Variants in ST6GALNAC3 observed in about 807,000 individuals in gnomAD.
ST6GALNAC3 encodes the protein ST6 N-acetylgalactosaminide alpha-2,6-sialyltransferase 3, also known as alpha-N-acetylgalactosaminide alpha-2,6-sialyltransferase 3.
Under a neutral mutation model 32.7 loss-of-function variants are expected in ST6GALNAC3, and 25 were observed. The observed-to-expected ratio is 0.76, with a 90% CI of 0.56 to 1.07. ST6GALNAC3 has a LOEUF of 1.07. ST6GALNAC3 is among the 50% of genes least tolerant of loss of function. ST6GALNAC3 has a pLI of 0.00. For synonymous variants in ST6GALNAC3, 129 were observed against 133.1 expected (o/e 0.97, Z 0.21); for missense variants, 355 against 382.4 (o/e 0.93, Z 0.60).
intron 2 of ST6GALNAC3, among the ~76,000 whole-genome samples, chr1:76,410,297 T>A (rs569519964): frequency 1.8e-4 from 28 of 152,234 alleles, no homozygotes; most frequent in African/African-American, 6.7e-4. Flanking sequence ...TTGCATTGGT[T>A]TTTGCATTTG....
At chr1:76,493,371 C>G (rs912188614) in intron 3 of ST6GALNAC3, among the ~76,000 whole-genome samples, 19 of 152,136 alleles carry the variant, frequency 1.2e-4, no homozygotes, top group African/African-American at 4.6e-4. Context: ...TTAGAGGATA[C>G]TAGAAGTAGA....
At chr1:76,324,525 A>T (rs181679224) in intron 2 of ST6GALNAC3, among the ~76,000 whole-genome samples, 1 of 152,322 alleles carries the variant, frequency 6.6e-6, no homozygotes, top group African/African-American at 2.4e-5. Context: ...TAATCATGAG[A>T]TAAATATCAG....
intron 3 of ST6GALNAC3, among the ~76,000 whole-genome samples, chr1:76,551,662 T>C (rs974556455): frequency 6.6e-6 from 1 of 152,194 alleles, no homozygotes; most frequent in Admixed American, 6.5e-5. Context: ...TTTTTACTAT[T>C]TCTGTGTGTT....
chr1:76,161,176 CT>C (rs765633823), intron 1 of ST6GALNAC3, among the ~76,000 whole-genome samples: 39 of 152,264 alleles, frequency 2.6e-4, no homozygotes, highest in South Asian at 1.2e-3. Context: ...GCCATTATTC[CT>C]TCTCCAAGGT....
chr1:76,311,810 T>G (rs2100887979), intron 1 of ST6GALNAC3, among the ~76,000 whole-genome samples: 1 of 152,304 alleles, frequency 6.6e-6, no homozygotes, highest in African/African-American at 2.4e-5. Flanking sequence ...ACGGGATTGC[T>G]AGGTCAAATG....
chr1:76,327,724 G>A (rs1289413133), intron 2 of ST6GALNAC3, among the ~76,000 whole-genome samples: 6 of 152,062 alleles, frequency 3.9e-5, no homozygotes, highest in Admixed American at 3.9e-4. Context: ...TAAGTAGCTG[G>A]GATTACAGGC....
intron 3 of ST6GALNAC3, among the ~76,000 whole-genome samples, chr1:76,468,207 T>C (rs1658775875): frequency 6.6e-6 from 1 of 151,802 alleles, no homozygotes; most frequent in Non-Finnish European, 1.5e-5. Context: ...ATGTTTTGAG[T>C]TCATAAAATC....
At chr1:76,151,836 AGTCTAGACATT>A (rs1651065446) in intron 1 of ST6GALNAC3, among the ~76,000 whole-genome samples, 1 of 152,194 alleles carries the variant, frequency 6.6e-6, no homozygotes, top group African/African-American at 2.4e-5. Context: ...GCTAGATGGG[AGTCTAGACATT>A]GTCTCTACAG....
intron 1 of ST6GALNAC3, among the ~76,000 whole-genome samples, chr1:76,081,120 T>G (rs1646888180): frequency 6.6e-6 from 1 of 152,094 alleles, no homozygotes; most frequent in South Asian, 2.1e-4. Flanking sequence ...CTAAGTAAAT[T>G]GTCCGATGTC....
chr1:76,132,304 C>T (rs189523851), intron 1 of ST6GALNAC3, among the ~76,000 whole-genome samples: 1 of 152,164 alleles, frequency 6.6e-6, no homozygotes, highest in Admixed American at 6.5e-5. Flanking sequence ...ACTATCTGAG[C>T]TGGGTATTGG....
intron 1 of ST6GALNAC3, among the ~76,000 whole-genome samples, chr1:76,256,878 A>G (rs1010957626): frequency 1.3e-5 from 2 of 152,144 alleles, no homozygotes; most frequent in Admixed American, 1.3e-4. Context: ...AATCTGAGGC[A>G]TTCTCAGTAC....
intron 3 of ST6GALNAC3, among the ~76,000 whole-genome samples, chr1:76,450,203 T>C (rs2101550022): frequency 6.6e-6 from 1 of 152,264 alleles, no homozygotes; most frequent in African/African-American, 2.4e-5. Context: ...AGTGTAGAAG[T>C]GTTCCCTTTT....
At chr1:76,098,811 A>G (rs185487828) in intron 1 of ST6GALNAC3, among the ~76,000 whole-genome samples, 58 of 152,238 alleles carry the variant, frequency 3.8e-4, no homozygotes, top group African/African-American at 1.3e-3. Flanking sequence ...TTTACAATTA[A>G]TAATTGTTAA....
intron 1 of ST6GALNAC3, among the ~76,000 whole-genome samples, chr1:76,120,407 C>T (rs1208261621): frequency 6.6e-6 from 1 of 152,172 alleles, no homozygotes; most frequent in Non-Finnish European, 1.5e-5. Context: ...TAAAAGGTCT[C>T]TGTGAGAAAT....
chr1:76,197,191 C>G (rs537483109), intron 1 of ST6GALNAC3, among the ~76,000 whole-genome samples: 7 of 152,258 alleles, frequency 4.6e-5, no homozygotes, highest in African/African-American at 1.7e-4. Flanking sequence ...GAAATGTAGA[C>G]TAGTTGTTAA....
chr1:76,137,697 G>A (rs1650038846), intron 1 of ST6GALNAC3, among the ~76,000 whole-genome samples: 1 of 145,532 alleles, frequency 6.9e-6, no homozygotes, highest in Admixed American at 6.7e-5. Flanking sequence ...CTGCAAGGGA[G>A]CTAGTTTGTA....
chr1:76,589,954 A>T (rs1045273411), intron 3 of ST6GALNAC3, among the ~76,000 whole-genome samples: 1 of 152,056 alleles, frequency 6.6e-6, no homozygotes, highest in Non-Finnish European at 1.5e-5. Flanking sequence ...CTCGTAATCC[A>T]TTTTTTATTC....
Position 76,156,113 on chromosome 1 carries a change from TA to T in ST6GALNAC3, c.18+81231del, listed in dbSNP as rs566337137. On this transcript the variant is annotated intron_variant, in intron 1 of 4. Coordinates refer to ENST00000328299, the MANE Select transcript of ST6GALNAC3 (RefSeq NM_152996.4). ...CTTTTGGAATTTGTCTAAGGTTTTC[TA>T]ATAATTAGACTGGGGTTATGGGTTT... Among the ~76,000 whole-genome samples, 52 of 30,922 alleles carry T rather than the reference TA, an allele frequency of 1.7e-3. 1 individual carries two copies. In the South Asian group the frequency reaches 0.23, roughly 137 times the overall value. 20.3% of individuals were successfully genotyped at this position (30,922 alleles called of 152,430 possible). A position where few individuals can be genotyped will look rare whatever the true frequency, so the allele number is the denominator to read the frequency against.
At chr1:76,336,952 G>T (rs1017667310) in intron 2 of ST6GALNAC3, among the ~76,000 whole-genome samples, 3 of 152,196 alleles carry the variant, frequency 2.0e-5, no homozygotes, top group African/African-American at 7.2e-5. Flanking sequence ...GCATTTGCAA[G>T]TAGCCAGGAC....
Sources: allele counts gnomAD v4.1 joint callset (sites outside exome capture counted in the v4.1 genomes callset), GRCh38; gene constraint gnomAD v4.1.1; transcripts MANE v1.5; gene names NCBI Gene and HGNC (gene_info 2026-07-23, HGNC 2026-07-21).